ITPR2: variants seen among roughly 807,000 people sequenced by gnomAD.
The protein encoded by ITPR2 is inositol 1,4,5-trisphosphate-gated calcium channel ITPR2.
In ITPR2, 207 loss-of-function variants were observed where a neutral mutation model predicts 317.1. The observed-to-expected ratio is 0.65, with a 90% CI of 0.58 to 0.73. The LOEUF is 0.73. Among genes scored for constraint, ITPR2 ranks in the 30% least tolerant of loss-of-function variants. The pLI is 0.00. For missense variants in ITPR2, 2,613 were observed against 3,284.0 expected (o/e 0.80, Z 4.99); for synonymous variants, 1,156 against 1,149.1 (o/e 1.01, Z -0.12).
intron 21 of ITPR2, among the ~76,000 whole-genome samples, chr12:26,633,628 A>C (rs180689949): frequency 6.6e-6 from 1 of 152,230 alleles, no homozygotes; most frequent in African/African-American, 2.4e-5. Flanking sequence ...AGAATGCTTC[A>C]TTGTCTGTGG....
At chr12:26,736,391 AT>A (rs927194245) in intron 2 of ITPR2, among the ~76,000 whole-genome samples, 1 of 152,122 alleles carries the variant, frequency 6.6e-6, no homozygotes, top group South Asian at 2.1e-4. Context: ...TAAAATCTAG[AT>A]TTTTTTTAAA....
intron 55 of ITPR2, among the ~76,000 whole-genome samples, chr12:26,360,259 C>T (rs1044572981): frequency 5.9e-5 from 9 of 152,190 alleles, no homozygotes; most frequent in Admixed American, 5.9e-4. Flanking sequence ...AATCCTCTCT[C>T]GCTTCCTCCT....
chr12:26,591,823 C>A (rs1945715625), intron 32 of ITPR2, among the ~76,000 whole-genome samples: 1 of 144,244 alleles, frequency 6.9e-6, no homozygotes, highest in Admixed American at 7.0e-5. Flanking sequence ...GTGACAGAAC[C>A]AGACTCTATC....
intron 45 of ITPR2, among the ~76,000 whole-genome samples, chr12:26,461,621 CATATAAATATATATATATATATATAT>C (rs1436098261): frequency 0.022 from 2,580 of 119,354 alleles, 54 homozygotes; most frequent in African/African-American, 0.045. Context: ...AAAAGAAAAG[CATATAAATATATATATATATATATAT>C]ATATATATAT....
intron 1 of ITPR2, among the ~76,000 whole-genome samples, chr12:26,803,646 A>G (rs565826980): frequency 6.6e-6 from 1 of 152,306 alleles, no homozygotes; most frequent in South Asian, 2.1e-4. Flanking sequence ...CAGTTAGCCA[A>G]AACATTTTTT....
intron 30 of ITPR2, 135 bp downstream of exon 30, chr12:26,599,010 T>C (rs1021541907): frequency 1.1e-5 from 8 of 708,162 alleles, no homozygotes; most frequent in Admixed American, 2.8e-5. Flanking sequence ...AAAATATATT[T>C]GCACTTGAGT....
At chr12:26,523,128 T>C (rs1232254881) in intron 37 of ITPR2, among the ~76,000 whole-genome samples, 1 of 152,226 alleles carries the variant, frequency 6.6e-6, no homozygotes. Flanking sequence ...CCCCAGAGGC[T>C]CTTAAGCCTC....
chr12:26,647,039 C>A (rs934689069), intron 21 of ITPR2, among the ~76,000 whole-genome samples: 1 of 152,118 alleles, frequency 6.6e-6, no homozygotes, highest in Non-Finnish European at 1.5e-5. Context: ...CAAGGATGGG[C>A]AGGAAGACAA....
chr12:26,452,358 A>G (rs1242615209), intron 45 of ITPR2, among the ~76,000 whole-genome samples: 1 of 129,284 alleles, frequency 7.7e-6, no homozygotes, highest in African/African-American at 3.0e-5. Context: ...TCTTAATAAC[A>G]GTACATTTAC....
At chr12:26,509,735 TCTG>T (rs1943281415) in intron 37 of ITPR2, among the ~76,000 whole-genome samples, 1 of 152,178 alleles carries the variant, frequency 6.6e-6, no homozygotes, top group Non-Finnish European at 1.5e-5. Flanking sequence ...CAAGCTAGTA[TCTG>T]GAACTGTTTG....
chr12:26,641,681 T>C (rs1946992065), intron 21 of ITPR2, among the ~76,000 whole-genome samples: 2 of 152,194 alleles, frequency 1.3e-5, no homozygotes, highest in Non-Finnish European at 2.9e-5. Flanking sequence ...AAGTAATAGA[T>C]ACCTTTACAT....
intron 19 of ITPR2, 40 bp from the exon 20 acceptor site, chr12:26,655,892 T>A (rs760724021): frequency 5.8e-6 from 9 of 1,559,832 alleles, no homozygotes; most frequent in African/African-American, 5.5e-5. Context: ...TTAAACTGAT[T>A]GCAATCATTT....
intron 32 of ITPR2, among the ~76,000 whole-genome samples, chr12:26,582,715 G>A (rs1016393746): frequency 3.3e-5 from 5 of 152,148 alleles, no homozygotes; most frequent in African/African-American, 1.2e-4. Context: ...ATCACCAGAT[G>A]AGGGTATGTA....
chr12:26,589,831 A>ATAT (rs1945648481), intron 32 of ITPR2, among the ~76,000 whole-genome samples: 1 of 24,418 alleles, frequency 4.1e-5, no homozygotes, highest in African/African-American at 1.1e-4. Context: ...TAAATAAATA[A>ATAT]ACATATATAT....
chr12:26,605,286 T>C lies in ITPR2; in HGVS notation c.3463-2580A>G, dbSNP rs11048609. 7.5e-4 allele frequency among the ~76,000 whole-genome samples: 114 copies of C among 151,894 alleles called. 1 individual carries two copies. The East Asian group carries it at 0.016, about 22-fold the overall frequency. On this transcript the variant is annotated intron_variant, in intron 26 of 56. Coordinates refer to ENST00000381340, the MANE Select transcript of ITPR2 (RefSeq NM_002223.4). Reference sequence around the variant, plus strand: ...CAGATTTTCCATTTGATAGCAAAAATAGTTAATTGATGAGAAGTAGAAACT... The same window carrying C: ...CAGATTTTCCATTTGATAGCAAAAACAGTTAATTGATGAGAAGTAGAAACT...
At chr12:26,538,206 C>T (rs1228240153) in intron 37 of ITPR2, among the ~76,000 whole-genome samples, 2 of 152,150 alleles carry the variant, frequency 1.3e-5, no homozygotes, top group East Asian at 1.9e-4. Context: ...CTTAACCTTT[C>T]TGTGCTACAG....
In ITPR2 at chr12:26,436,258, A is replaced by G. The variant is rs1345141437; in HGVS notation, c.6732T>C (p.Val2244=). Residue 2244 remains valine, a synonymous_variant, in exon 48 of 57, where the codon GTT becomes GTC. Coordinates refer to ENST00000381340, the MANE Select transcript of ITPR2 (RefSeq NM_002223.4). The part of the protein sequence containing the change: ...FNLAVFINLA[V]ALFYPFGDDG... ...CATCCCCAAATGGGTAGAAGAGAGC[A>G]ACAGCTAAATTGATGAACACAGCCA... The G allele has an allele frequency of 1.9e-6, 3 of 1,612,730 alleles. No individual in the cohort carries two copies. Among genetic ancestry groups the G allele is most frequent in the African/African-American group, 1.3e-5 (1 of 74,888 alleles).
In ITPR2 at chr12:26,663,710, G is replaced by A. The variant is rs759264626; in HGVS notation, c.1688C>T (p.Ser563Leu). ...CTGATTTTTCCGGTAATCCTGCTGCGAGTGTCTCAGGACGCGGTAACAGAG... is the reference window on the plus strand; with the variant it reads ...CTGATTTTTCCGGTAATCCTGCTGCAAGTGTCTCAGGACGCGGTAACAGAG... ...LRLCYRVLRH[S>L]QQDYRKNQEY... Residue 563 changes from serine to leucine, a missense_variant, in exon 15 of 57, where the codon TCG (serine) becomes TTG (leucine). By Grantham distance (145) the Ser-to-Leu change is moderately radical. Transcript: ENST00000381340. 11 of 1,611,796 alleles carry A rather than the reference G, an allele frequency of 6.8e-6. No homozygotes were observed. The highest frequency in any genetic ancestry group is 2.2e-5 in the East Asian group (1 of 44,834).
At chr12:26,688,199 C>T (rs1948165669) in intron 10 of ITPR2, among the ~76,000 whole-genome samples, 1 of 152,080 alleles carries the variant, frequency 6.6e-6, no homozygotes, top group Non-Finnish European at 1.5e-5. Context: ...CCACACACCA[C>T]ATCAACAATT....
Sources: gnomAD v4.1 joint callset for allele counts (sites outside exome capture counted in the v4.1 genomes callset) on GRCh38, gnomAD v4.1.1 for gene constraint, MANE v1.5 for transcripts, NCBI Gene and HGNC (gene_info 2026-07-23, HGNC 2026-07-21) for gene names.